The following HDAC9 variants were observed in gnomAD, a reference collection of about 807,000 sequenced individuals.
HDAC9 encodes histone deacetylase 9, also known as MEF-2 interacting transcription repressor (MITR) protein.
A neutral mutation model predicts 139.4 loss-of-function variants in HDAC9; 41 were observed. The ratio of observed to expected loss-of-function variants is 0.29; its 90% confidence interval spans 0.23 to 0.38. The LOEUF is 0.38. Among genes scored for constraint, HDAC9 ranks in the 10% least tolerant of loss-of-function variants. The pLI is 1.00. For missense variants in HDAC9, 1,147 were observed against 1,297.0 expected (o/e 0.88, Z 1.78); for synonymous variants, 517 against 476.2 (o/e 1.09, Z -1.12).
chr7:18,863,370 C>T (rs765489513), intron 21 of HDAC9, among the ~76,000 whole-genome samples: 7 of 152,192 alleles, frequency 4.6e-5, no homozygotes, highest in African/African-American at 9.7e-5. Flanking sequence ...CGGCTTTGAA[C>T]GTGGCCCAGG....
chr7:18,345,001 C>T (rs1177047126), intron 1 of HDAC9, among the ~76,000 whole-genome samples: 1 of 151,930 alleles, frequency 6.6e-6, no homozygotes, highest in Non-Finnish European at 1.5e-5. Context: ...TGATCTTGGG[C>T]TCTCTACTAA....
intron 22 of HDAC9, chr7:18,907,130 G>C (rs1802328676): frequency 6.6e-6 from 1 of 152,208 alleles, no homozygotes; most frequent in Non-Finnish European, 1.5e-5. Flanking sequence ...AAACCCAAAT[G>C]ATCTCGAGGG....
intron 1 of HDAC9, among the ~76,000 whole-genome samples, chr7:18,156,296 C>G (rs964440798): frequency 2.0e-5 from 3 of 152,098 alleles, no homozygotes; most frequent in African/African-American, 7.2e-5. Flanking sequence ...GGGAAGTGAC[C>G]CTATCTTGGT....
At chr7:18,599,531 G>A (rs958448259) in intron 6 of HDAC9, among the ~76,000 whole-genome samples, 16 of 152,122 alleles carry the variant, frequency 1.1e-4, no homozygotes, top group Admixed American at 2.0e-4. Context: ...GCCTTCTGCA[G>A]AATGTCATAG....
At chr7:18,370,198 C>T (rs897739647) in intron 1 of HDAC9, among the ~76,000 whole-genome samples, 1 of 152,158 alleles carries the variant, frequency 6.6e-6, no homozygotes, top group African/African-American at 2.4e-5. Flanking sequence ...GGGTTACCTT[C>T]TCCCTGTACT....
chr7:18,576,988 A>G (rs957557942), intron 2 of HDAC9, among the ~76,000 whole-genome samples: 5 of 152,228 alleles, frequency 3.3e-5, no homozygotes, highest in South Asian at 4.1e-4. Flanking sequence ...TTCCCATTCC[A>G]TGACATACTT....
In HDAC9 at chr7:18,657,295, A is replaced by G. The variant is rs563118623; in HGVS notation, c.1467+8612A>G. Among the ~76,000 whole-genome samples the G allele has an allele frequency of 1.2e-4, 19 of 152,174 alleles. No homozygotes were observed. In the South Asian group the frequency reaches 3.9e-3, roughly 32 times the overall value. Reference sequence around the variant, plus strand: ...TTTAATTGGGTTTGCCCTGCTTTCCAGTTTACCAAAGTAAGGAATTGATCA... The same window carrying G: ...TTTAATTGGGTTTGCCCTGCTTTCCGGTTTACCAAAGTAAGGAATTGATCA... On this transcript the variant is annotated intron_variant, in intron 11 of 25. Transcript: ENST00000686413.
chr7:18,244,075 C>G (rs1794363835), intron 2 of HDAC9, among the ~76,000 whole-genome samples: 1 of 152,142 alleles, frequency 6.6e-6, no homozygotes, highest in South Asian at 2.1e-4. Context: ...AAGGCTCTTT[C>G]TTTTTTGAGG....
intron 21 of HDAC9, among the ~76,000 whole-genome samples, chr7:18,871,448 T>C (rs1798907095): frequency 6.6e-6 from 1 of 152,158 alleles, no homozygotes; most frequent in Non-Finnish European, 1.5e-5. Flanking sequence ...GTGCCATTGC[T>C]TTTAGGAAAT....
chr7:18,619,288 C>A (rs1038952854), intron 6 of HDAC9, among the ~76,000 whole-genome samples: 1 of 152,192 alleles, frequency 6.6e-6, no homozygotes, highest in East Asian at 1.9e-4. Context: ...AGTTGAGGTT[C>A]ATCTAGTTCT....
chr7:18,712,362 G>T (rs1784408193), intron 12 of HDAC9, among the ~76,000 whole-genome samples: 1 of 152,116 alleles, frequency 6.6e-6, no homozygotes, highest in African/African-American at 2.4e-5. Context: ...TAGCATGTGG[G>T]ACTATTGCAT....
chr7:18,495,841 GA>G lies in HDAC9; in HGVS notation c.-222del. 3 of 1,042,384 alleles carry G rather than the reference GA, an allele frequency of 2.9e-6. No homozygotes were observed. Among genetic ancestry groups the G allele is most frequent in the Non-Finnish European group, 3.5e-6 (3 of 867,658 alleles). The allele number at this position is 1,042,384 out of a possible 1,614,324, so 64.6% of individuals were successfully genotyped here. On this transcript the variant is annotated 5_prime_UTR_variant, in exon 1 of 26. Coordinates refer to ENST00000686413, the MANE Select transcript of HDAC9 (RefSeq NM_178425.4). ...TGCAACAAAACCCTAGCAGCCTGAA[GA>G]ACTCTAAGCCAGGTTTAATTGGTTT...
intron 1 of HDAC9, among the ~76,000 whole-genome samples, chr7:18,140,191 C>T (rs955679126): frequency 7.2e-5 from 11 of 152,048 alleles, no homozygotes; most frequent in Non-Finnish European, 1.5e-4. Context: ...GCAAACATCC[C>T]GGGACCCTTC....
intron 17 of HDAC9, among the ~76,000 whole-genome samples, chr7:18,794,083 A>G (rs2129179829): frequency 6.6e-6 from 1 of 152,338 alleles, no homozygotes. Flanking sequence ...TAGAGACCTG[A>G]CAGACGTTGA....
intron 6 of HDAC9, among the ~76,000 whole-genome samples, chr7:18,623,099 A>G (rs1840674887): frequency 6.6e-6 from 1 of 151,668 alleles, no homozygotes; most frequent in African/African-American, 2.4e-5. Context: ...AGCTGAGATC[A>G]TCCCACTGCA....
At chr7:18,722,849 A>T (rs1336556187) in intron 12 of HDAC9, among the ~76,000 whole-genome samples, 1 of 152,194 alleles carries the variant, frequency 6.6e-6, no homozygotes, top group Non-Finnish European at 1.5e-5. Flanking sequence ...TGTTTGGCCC[A>T]TCTCTGTTCA....
intron 1 of HDAC9, among the ~76,000 whole-genome samples, chr7:18,137,234 A>AT (rs1248092039): frequency 1.9e-4 from 20 of 103,178 alleles, no homozygotes; most frequent in Admixed American, 1.9e-3. Context: ...TAGATATACA[A>AT]TCATGTCATC....
chr7:18,745,595 G>T (rs1338885271), intron 13 of HDAC9, among the ~76,000 whole-genome samples: 1 of 137,836 alleles, frequency 7.3e-6, no homozygotes, highest in African/African-American at 2.7e-5. Flanking sequence ...GCCGGACTGC[G>T]GACTGCAGTG....
At position 18,585,310 on chromosome 7, in the gene HDAC9, C is replaced by T; in HGVS notation, c.52C>T (p.Leu18=). ...TGTGAAGTCAGAAGTTCCTGTGGGC[C>T]TGGAGCCCATCTCACCTTTAGACCT... ...VDVKSEVPVG[L]EPISPLDLRT... The change falls in exon 3 of 26, where the codon CTG becomes TTG. Residue 18 remains leucine (L), a synonymous_variant. Coordinates refer to ENST00000686413, the MANE Select transcript of HDAC9 (RefSeq NM_178425.4). 1 of 1,613,720 alleles carries T rather than the reference C, an allele frequency of 6.2e-7. No homozygotes were observed. Among genetic ancestry groups the T allele is most frequent in the Non-Finnish European group, 8.5e-7 (1 of 1,179,812 alleles).
Sources: gnomAD v4.1 joint callset for allele counts (sites outside exome capture counted in the v4.1 genomes callset) on GRCh38, gnomAD v4.1.1 for gene constraint, MANE v1.5 for transcripts, NCBI Gene and HGNC (gene_info 2026-07-23, HGNC 2026-07-21) for gene names.